KCNIP4: variants seen among roughly 807,000 people sequenced by gnomAD.
KCNIP4 encodes the protein potassium voltage-gated channel interacting protein 4.
A neutral mutation model predicts 34.0 loss-of-function variants in KCNIP4; 12 were observed. The observed-to-expected ratio is 0.35, with a 90% CI of 0.23 to 0.57. The LOEUF (loss-of-function observed/expected upper bound fraction) is 0.57. KCNIP4 is among the 20% of genes least tolerant of loss of function. The probability of loss-of-function intolerance (pLI) is 0.83; values close to 1 mark genes in which losing one functional copy is unlikely to be tolerated. For missense variants in KCNIP4, 238 were observed against 311.7 expected (o/e 0.76, Z 1.78); for synonymous variants, 124 against 102.2 (o/e 1.21, Z -1.29).
chr4:20,886,873 C>T (rs2149530754), intron 1 of KCNIP4, among the ~76,000 whole-genome samples: 1 of 152,176 alleles, frequency 6.6e-6, no homozygotes, highest in South Asian at 2.1e-4. Context: ...TACAATGTAT[C>T]CTAATAACAT....
chr4:21,444,626 C>T (rs903529247), intron 1 of KCNIP4, among the ~76,000 whole-genome samples: 1 of 152,148 alleles, frequency 6.6e-6, no homozygotes, highest in Non-Finnish European at 1.5e-5. Flanking sequence ...GGACGTATCT[C>T]AAAATAATAA....
intron 1 of KCNIP4, among the ~76,000 whole-genome samples, chr4:21,457,862 C>T (rs1323042306): frequency 1.3e-5 from 2 of 152,042 alleles, no homozygotes; most frequent in Non-Finnish European, 2.9e-5. Flanking sequence ...CACATATAGA[C>T]ATACACACAT....
intron 1 of KCNIP4, among the ~76,000 whole-genome samples, chr4:21,475,304 TGATGCTAATTA>T (rs1190954103): frequency 6.6e-6 from 1 of 152,118 alleles, no homozygotes; most frequent in Non-Finnish European, 1.5e-5. Context: ...GTATCCAGAT[TGATGCTAATTA>T]TCATCTTACA....
At chr4:21,380,736 T>A (rs1199235019) in intron 1 of KCNIP4, among the ~76,000 whole-genome samples, 1 of 152,062 alleles carries the variant, frequency 6.6e-6, no homozygotes, top group Non-Finnish European at 1.5e-5. Context: ...ACTCACCATA[T>A]TGGACAGACC....
rs564885263 is a variant in KCNIP4 at position 21,637,115 on chromosome 4, C to T, written c.61+311456G>A. Among the ~76,000 whole-genome samples, 9 of 152,192 alleles carry T rather than the reference C, an allele frequency of 5.9e-5. No individual in the cohort carries two copies. The East Asian group carries it at 1.7e-3, about 30-fold the overall frequency. On this transcript the variant is annotated intron_variant, in intron 1 of 8. Coordinates refer to ENST00000382152, the MANE Select transcript of KCNIP4 (RefSeq NM_025221.6). Reference sequence around the variant, plus strand: ...ACCAAAATCCTGGGATGCTTGAGACCTGTAGGCGCTGTGGAACCCTTGAAT... The same window carrying T: ...ACCAAAATCCTGGGATGCTTGAGACTTGTAGGCGCTGTGGAACCCTTGAAT...
chr4:21,090,549 A>G (rs897317940), intron 1 of KCNIP4, among the ~76,000 whole-genome samples: 1 of 152,210 alleles, frequency 6.6e-6, no homozygotes, highest in Non-Finnish European at 1.5e-5. Flanking sequence ...TAAAGGTACT[A>G]CTTAAGAAAA....
intron 1 of KCNIP4, among the ~76,000 whole-genome samples, chr4:21,064,430 A>C (rs1163448652): frequency 2.0e-5 from 3 of 152,058 alleles, no homozygotes; most frequent in Admixed American, 6.6e-5. Flanking sequence ...AAATGCTGCA[A>C]TAGTATGTCA....
At chr4:21,413,157 TA>T (rs1386477261) in intron 1 of KCNIP4, among the ~76,000 whole-genome samples, 1 of 152,152 alleles carries the variant, frequency 6.6e-6, no homozygotes, top group Non-Finnish European at 1.5e-5. Context: ...ATTTGGTTGT[TA>T]GGGGGAGGCT....
intron 1 of KCNIP4, among the ~76,000 whole-genome samples, chr4:21,938,235 T>C (rs778453849): frequency 6.6e-6 from 1 of 152,168 alleles, no homozygotes; most frequent in African/African-American, 2.4e-5. Context: ...GTATGACTTA[T>C]ACCTGTTTCC....
intron 1 of KCNIP4, among the ~76,000 whole-genome samples, chr4:21,340,110 C>T (rs1716603730): frequency 6.6e-6 from 1 of 152,118 alleles, no homozygotes; most frequent in Non-Finnish European, 1.5e-5. Flanking sequence ...TTTCTTCTTA[C>T]TAACGAATGA....
intron 1 of KCNIP4, among the ~76,000 whole-genome samples, chr4:20,987,243 T>C (rs754648313): frequency 2.4e-4 from 37 of 152,154 alleles, no homozygotes; most frequent in Non-Finnish European, 4.7e-4. Context: ...TGTTTAAAAA[T>C]TTAAAAAAGT....
intron 1 of KCNIP4, among the ~76,000 whole-genome samples, chr4:21,705,922 G>A (rs1713229905): frequency 6.6e-6 from 1 of 152,104 alleles, no homozygotes; most frequent in Non-Finnish European, 1.5e-5. Context: ...TTTCTCTAGG[G>A]AAAGTAATTA....
intron 1 of KCNIP4, among the ~76,000 whole-genome samples, chr4:21,254,906 C>T (rs184160620): frequency 2.0e-3 from 298 of 152,324 alleles, no homozygotes; most frequent in African/African-American, 6.7e-3. Context: ...TCTAATATTT[C>T]CCTGTAATCA....
rs564129370 is a variant in KCNIP4 at position 21,893,365 on chromosome 4, C to T, written c.61+55206G>A. On this transcript the variant is annotated intron_variant, in intron 1 of 8. Coordinates refer to ENST00000382152, the MANE Select transcript of KCNIP4 (RefSeq NM_025221.6). ...CAGATGTCGAAACAGTTTTTTATAA[C>T]GTTTCTTCTGACATCCTTTTCATGT... Among the ~76,000 whole-genome samples, 9 of 152,266 alleles carry T rather than the reference C, an allele frequency of 5.9e-5. No homozygotes were observed. In the East Asian group the frequency reaches 1.7e-3, roughly 29 times the overall value.
At chr4:21,637,783 CAAA>C (rs3050028) in intron 1 of KCNIP4, among the ~76,000 whole-genome samples, 4,402 of 109,384 alleles carry the variant, frequency 0.04, 62 homozygotes, top group East Asian at 0.062. Context: ...AAGTCCGTCT[CAAA>C]AAAAAAAAAA....
At chr4:21,546,486 C>T (rs981701226) in intron 1 of KCNIP4, among the ~76,000 whole-genome samples, 5 of 152,040 alleles carry the variant, frequency 3.3e-5, no homozygotes, top group African/African-American at 7.2e-5. Context: ...AACTAACTTG[C>T]CATGAACCGA....
chr4:21,946,966 T>C (rs1730544096), intron 1 of KCNIP4, among the ~76,000 whole-genome samples: 1 of 152,176 alleles, frequency 6.6e-6, no homozygotes, highest in African/African-American at 2.4e-5. Context: ...GACATGCTGA[T>C]TCAATCCCCA....
intron 1 of KCNIP4, among the ~76,000 whole-genome samples, chr4:21,733,985 T>A (rs1211006931): frequency 6.6e-6 from 1 of 152,176 alleles, no homozygotes; most frequent in Non-Finnish European, 1.5e-5. Context: ...TTCAGAAATA[T>A]ATGACTTAAG....
At chr4:21,068,563 A>G (rs888252272) in intron 1 of KCNIP4, among the ~76,000 whole-genome samples, 1 of 152,090 alleles carries the variant, frequency 6.6e-6, no homozygotes, top group Non-Finnish European at 1.5e-5. Context: ...GGGTGTGTGC[A>G]CTGATTGTCT....
Sources: allele counts gnomAD v4.1 joint callset (sites outside exome capture counted in the v4.1 genomes callset), GRCh38; gene constraint gnomAD v4.1.1; transcripts MANE v1.5; gene names NCBI Gene and HGNC (gene_info 2026-07-23, HGNC 2026-07-21).